The following ATP11A variants were observed in gnomAD, a reference collection of about 807,000 sequenced individuals.
ATP11A encodes ATPase phospholipid transporting 11A.
A neutral mutation model predicts 154.4 loss-of-function variants in ATP11A; 81 were observed. The observed-to-expected ratio is 0.52, with a 90% CI of 0.44 to 0.63. The LOEUF (loss-of-function observed/expected upper bound fraction) is 0.63, where lower values mean the gene tolerates loss of function less well. Among genes scored for constraint, ATP11A ranks in the 30% least tolerant of loss-of-function variants. The pLI is 0.00. For synonymous variants in ATP11A, 623 were observed against 585.9 expected (o/e 1.06, Z -0.91); for missense variants, 1,316 against 1,474.3 (o/e 0.89, Z 1.76).
At chr13:112,868,131 G>T (rs1217273482) in intron 25 of ATP11A, among the ~76,000 whole-genome samples, 1 of 152,224 alleles carries the variant, frequency 6.6e-6, no homozygotes, top group African/African-American at 2.4e-5. Context: ...GTTATTTGTT[G>T]AACAGCAAGA....
chr13:112,707,075 G>C (rs1887220874), intron 1 of ATP11A, among the ~76,000 whole-genome samples: 1 of 152,208 alleles, frequency 6.6e-6, no homozygotes. Context: ...TTGGGCCCAG[G>C]AGCCGCTGGG....
intron 15 of ATP11A, 108 bp downstream of exon 15, chr13:112,834,768 A>G (rs1280558736): frequency 8.2e-6 from 7 of 857,016 alleles, no homozygotes; most frequent in Admixed American, 6.3e-5. Context: ...TTCTCCCACA[A>G]TTCGCTTCCT....
chr13:112,822,153 A>G (rs1175911461), intron 8 of ATP11A, among the ~76,000 whole-genome samples: 1 of 152,262 alleles, frequency 6.6e-6, no homozygotes, highest in Non-Finnish European at 1.5e-5. Flanking sequence ...ACTTCAGCAA[A>G]CACTTTTGAC....
intron 24 of ATP11A, among the ~76,000 whole-genome samples, chr13:112,860,988 T>C (rs926463212): frequency 6.6e-6 from 1 of 152,172 alleles, no homozygotes; most frequent in Non-Finnish European, 1.5e-5. Context: ...CTGGGTAATT[T>C]ATGAAGGAAG....
chr13:112,819,647 A>G (rs368038283), intron 7 of ATP11A, among the ~76,000 whole-genome samples: 35 of 150,454 alleles, frequency 2.3e-4, no homozygotes, highest in African/African-American at 6.7e-4. Flanking sequence ...TATTTGTGGG[A>G]AAAAAAAAGA....
At chr13:112,741,301 G>C (rs1244669512) in intron 1 of ATP11A, among the ~76,000 whole-genome samples, 1 of 149,218 alleles carries the variant, frequency 6.7e-6, no homozygotes, top group Non-Finnish European at 1.5e-5. Context: ...AGGAGCTGTA[G>C]TCGGGAGGGT....
intron 1 of ATP11A, among the ~76,000 whole-genome samples, chr13:112,715,641 C>G (rs1018731961): frequency 7.0e-6 from 1 of 142,688 alleles, no homozygotes; most frequent in African/African-American, 2.6e-5. Context: ...GAGGGTTGCC[C>G]CTCTGTATTT....
chr13:112,713,224 GTC>G (rs1246061996), intron 1 of ATP11A, among the ~76,000 whole-genome samples: 4 of 152,064 alleles, frequency 2.6e-5, no homozygotes, highest in Admixed American at 6.6e-5. Context: ...GTGAAACCCC[GTC>G]TCTACTAAAA....
At chr13:112,803,943 C>T (rs1480865767) in intron 2 of ATP11A, among the ~76,000 whole-genome samples, 5 of 85,150 alleles carry the variant, frequency 5.9e-5, no homozygotes, top group African/African-American at 1.9e-4. Flanking sequence ...GCCCTCCTTC[C>T]CCTCCTTTTC....
rs375492517 is a variant in ATP11A, at chr13:112,858,136, G to A, written c.2522-9G>A. The A allele has an allele frequency of 9.4e-5, 152 of 1,612,020 alleles. No individual in the cohort carries two copies. In the African/African-American group the frequency reaches 1.4e-3, roughly 15 times the overall value. ...GCATTTCTTCAGCTCCTTCACCTCCGTCTTCTAGGTGTCATCGGCAAGGAA... is the reference window on the plus strand; with the variant it reads ...GCATTTCTTCAGCTCCTTCACCTCCATCTTCTAGGTGTCATCGGCAAGGAA... On this transcript the variant is annotated splice_polypyrimidine_tract_variant and intron_variant, in intron 21 of 29. Coordinates refer to ENST00000375645, the MANE Select transcript of ATP11A (RefSeq NM_015205.3).
In ATP11A at chr13:112,753,998, A is replaced by G. The variant is rs2076757783; in HGVS notation, c.40-31137A>G. On this transcript the variant is annotated intron_variant, in intron 1 of 29. Coordinates refer to ENST00000375645, the MANE Select transcript of ATP11A (RefSeq NM_015205.3). The surrounding 1 kb of genome is among the most constrained non-coding windows in gnomAD (Gnocchi z 4.1). ...AAGCTGGTTCTGCCACACGCCTGAC[A>G]GGCCGATCACAGCCTGACCTTGACC... is the stretch of plus-strand genomic sequence containing the variant. Among the ~76,000 whole-genome samples the G allele has an allele frequency of 6.6e-6, 1 of 152,238 alleles. No homozygotes were observed. The highest frequency in any genetic ancestry group is 2.4e-5 in the African/African-American group (1 of 41,472).
Position 112,883,637 on chromosome 13 carries a change from A to T in ATP11A, c.*1771A>T, listed in dbSNP as rs2080930716. 2 of 153,640 alleles carry T rather than the reference A, an allele frequency of 1.3e-5. No individual in the cohort carries two copies. Among genetic ancestry groups the T allele is most frequent in the South Asian group, 4.1e-4 (2 of 4,844 alleles). The allele number at this position is 153,640 out of a possible 1,614,324, so 9.5% of individuals were successfully genotyped here. A position where few individuals can be genotyped will look rare whatever the true frequency, so the allele number is the denominator to read the frequency against. The stretch of plus-strand genomic sequence containing the variant: ...ACAGTGGTTGGGATAAAATAAGGTG[A>T]CAAACATCACACCAAAGATGAGGGT... On this transcript the variant is annotated 3_prime_UTR_variant, in exon 30 of 30. Transcript: ENST00000375645.
intron 25 of ATP11A, among the ~76,000 whole-genome samples, chr13:112,865,592 C>A (rs962639095): frequency 6.6e-6 from 1 of 152,202 alleles, no homozygotes; most frequent in Non-Finnish European, 1.5e-5. Context: ...CTCTGTTGCC[C>A]AGGTTGGAGT....
At chr13:112,867,502 G>A (rs1410720321) in intron 25 of ATP11A, among the ~76,000 whole-genome samples, 6 of 152,196 alleles carry the variant, frequency 3.9e-5, no homozygotes, top group African/African-American at 1.4e-4. Flanking sequence ...TGCTGGCAAC[G>A]CAGTGCCAGG....
Position 112,697,855 on chromosome 13 carries a change from T to C in ATP11A, c.39+7400T>C, listed in dbSNP as rs1886063925. Among the ~76,000 whole-genome samples, 1 of 152,082 alleles carries C rather than the reference T, an allele frequency of 6.6e-6. No homozygotes were observed. Among genetic ancestry groups the C allele is most frequent in the South Asian group, 2.1e-4 (1 of 4,822 alleles). On this transcript the variant is annotated intron_variant, in intron 1 of 29. Coordinates refer to ENST00000375645, the MANE Select transcript of ATP11A (RefSeq NM_015205.3). This position sits in a 1 kb window ranked among gnomAD's most constrained non-coding sequence, Gnocchi z 4.0. ...TCCCAAAGTGCTGGGATTGCAGGTA[T>C]GTGCCACCACGCCCAGCCCTGAAAC...
chr13:112,765,867 C>T (rs2077064026), intron 1 of ATP11A, among the ~76,000 whole-genome samples: 1 of 152,236 alleles, frequency 6.6e-6, no homozygotes, highest in African/African-American at 2.4e-5. Context: ...TCCCGTAAAG[C>T]AGCCACTCCC....
chr13:112,858,059 T>A (rs950958755), intron 21 of ATP11A, 86 bp from the exon 22 acceptor site: 46 of 1,579,610 alleles, frequency 2.9e-5, no homozygotes, highest in Non-Finnish European at 4.0e-5. Context: ...CTCATGATGA[T>A]GGTTTCATCC....
At chr13:112,740,165 T>TAG (rs1474657226) in intron 1 of ATP11A, among the ~76,000 whole-genome samples, 11 of 150,196 alleles carry the variant, frequency 7.3e-5, no homozygotes, top group African/African-American at 2.2e-4. Flanking sequence ...TATATATATA[T>TAG]ATATAGATAT....
intron 1 of ATP11A, among the ~76,000 whole-genome samples, chr13:112,761,124 C>A (rs1403467166): frequency 1.3e-5 from 2 of 152,178 alleles, no homozygotes; most frequent in African/African-American, 4.8e-5. Flanking sequence ...CCCCACCCCC[C>A]TTATGGCCTC....
Sources: allele counts gnomAD v4.1 joint callset (sites outside exome capture counted in the v4.1 genomes callset), GRCh38; gene constraint gnomAD v4.1.1; non-coding constraint Gnocchi (gnomAD v3.1); transcripts MANE v1.5; gene names NCBI Gene and HGNC (gene_info 2026-07-23, HGNC 2026-07-21).